The following ISYNA1 variants were observed in gnomAD, a reference collection of about 807,000 sequenced individuals.
ISYNA1 encodes MI-1-P synthase.
ISYNA1 carries 34 observed loss-of-function variants against 50.3 expected under a neutral mutation model. That is an observed-to-expected ratio of 0.68 (90% CI 0.51 to 0.90). The LOEUF is 0.90. Ranked by LOEUF, ISYNA1 falls within the 40% of genes least tolerant of loss-of-function variation. ISYNA1 has a pLI of 0.00. For missense variants in ISYNA1, 718 were observed against 784.8 expected (o/e 0.91, Z 1.02); for synonymous variants, 396 against 349.9 (o/e 1.13, Z -1.47).
In ISYNA1 at chr19:18,435,820, C is replaced by G. The variant is rs772101803; in HGVS notation, c.1077G>C (p.Val359=). The stretch of plus-strand genomic sequence containing the variant: ...GGTTGCTCTGCACCATGTCGTCCAC[C>G]ACGTTGCTCTTGGACACCTCCTTAG... ...FRSKEVSKSN[V]VDDMVQSNPV... is the part of the protein sequence containing the mutation. Residue 359 remains valine (V), a synonymous_variant, in exon 8 of 11, where the codon GTG becomes GTC. Transcript: ENST00000338128. The G allele has an allele frequency of 1.2e-6, 2 of 1,613,816 alleles. No individual in the cohort carries two copies. The highest frequency in any genetic ancestry group is 1.7e-5 in the Admixed American group (1 of 60,008).
In ISYNA1 at chr19:18,435,110, C is replaced by T; in HGVS notation, c.1480G>A (p.Val494Met). Residue 494 changes from valine (V) to methionine (M), a missense_variant, in exon 11 of 11, where the codon GTG becomes ATG. This residue lies in a region of ISYNA1 where 305 missense variants were observed against 292.6 expected (regional missense o/e 1.04). Coordinates refer to ENST00000338128, the MANE Select transcript of ISYNA1 (RefSeq NM_016368.5). The stretch of plus-strand genomic sequence containing the variant: ...ATGTGGTTCTGTGGCGGGAGCCCCA[C>T]GCAGGCCCTGGAGAGGTCACACAGC... Reference protein sequence around the residue: ...SCIENILRACVGLPPQNHMLL... With the variant: ...SCIENILRACMGLPPQNHMLL... 4.3e-6 allele frequency: 7 copies of T among 1,613,164 alleles called. No homozygotes were observed. Among genetic ancestry groups the T allele is most frequent in the African/African-American group, 1.3e-5 (1 of 75,014 alleles).
rs369808766 is a variant in ISYNA1 at position 18,436,897 on chromosome 19, C to A, written c.416-20G>T. On this transcript the variant is annotated intron_variant, in intron 4 of 10. Coordinates refer to ENST00000338128, the MANE Select transcript of ISYNA1 (RefSeq NM_016368.5). ...CCCAGCCTGGGGGGACCCTCACACT[C>A]GGCCCTGCCCGGATCCTGGGCCCCT... The A allele has an allele frequency of 6.7e-5, 107 of 1,591,278 alleles. No individual in the cohort carries two copies. The African/African-American group carries it at 1.1e-3, about 16-fold the overall frequency.
Position 18,434,441 on chromosome 19 carries a change from A to G in ISYNA1, c.*472T>C. 9 of 1,070,528 alleles carry G rather than the reference A, an allele frequency of 8.4e-6. No individual in the cohort carries two copies. Among genetic ancestry groups the G allele is most frequent in the South Asian group, 2.1e-5 (1 of 46,546 alleles). The allele number at this position is 1,070,528 out of a possible 1,614,324, so 66.3% of individuals were successfully genotyped here. Reference sequence around the variant, plus strand: ...GGACCTCAGAGACGTTCTTTTCTGTATGGACCCTTCCTGCCATTTGTATTT... The same window carrying G: ...GGACCTCAGAGACGTTCTTTTCTGTGTGGACCCTTCCTGCCATTTGTATTT... On this transcript the variant is annotated 3_prime_UTR_variant, in exon 11 of 11. Coordinates refer to ENST00000338128, the MANE Select transcript of ISYNA1 (RefSeq NM_016368.5).
At chr19:18,437,518 C>T (rs1600400489) in intron 3 of ISYNA1, 81 bp downstream of exon 3, 2 of 966,108 alleles carry the variant, frequency 2.1e-6, no homozygotes, top group South Asian at 3.9e-5. Flanking sequence ...CCCGCAGAGC[C>T]CCGCCCCCTG....
rs1454602779 is a variant in ISYNA1 at position 18,436,711 on chromosome 19, G to A, written c.582C>T (p.Asn194=). The A allele has an allele frequency of 4.5e-6, 7 of 1,566,484 alleles. No individual in the cohort carries two copies. The highest frequency in any genetic ancestry group is 6.0e-6 in the Non-Finnish European group (7 of 1,159,420). The change falls in exon 5 of 11, where the codon AAC becomes AAT. Residue 194 remains asparagine, a synonymous_variant. Transcript: ENST00000338128. The part of the protein sequence containing the change: ...IAANQSARAD[N]LIPGSRAQQL... ...GCTGCGCACGCGAGCCTGGGATGAG[G>A]TTGTCCGCGCGCGCGCTCTGGTTGG...
rs1480088568 is a variant in ISYNA1 at position 18,437,876 on chromosome 19, T to C, written c.104A>G (p.Glu35Gly). The change falls in exon 2 of 11, where the codon GAG becomes GGG. Residue 35 changes from glutamate to glycine, a missense_variant. Physicochemically the swap from Glu to Gly is moderately conservative, Grantham distance 98 (BLOSUM62 -2). Around this residue, in one of 3 missense-constraint regions of ISYNA1, gnomAD observed 403 missense variants for 466.6 expected, o/e 0.86. Transcript: ENST00000338128. Reference sequence around the variant, plus strand: ...CTGGTCCACCTTGAGAACGCCACCCTCGCGGCTGACGCGCGTCGTCCGGTA... The same window carrying C: ...CTGGTCCACCTTGAGAACGCCACCCCCGCGGCTGACGCGCGTCGTCCGGTA... ...YEYRTTRVSR[E>G]GGVLKVHPTS... 3 of 1,611,652 alleles carry C rather than the reference T, an allele frequency of 1.9e-6. No individual in the cohort carries two copies. In the African/African-American group the frequency reaches 4.0e-5, roughly 22 times the overall value.
rs1486564671 is a variant in ISYNA1, at chr19:18,434,559, G to C, written c.*354C>G. 1.9e-6 allele frequency: 1 copy of C among 530,748 alleles called. No individual in the cohort carries two copies. Among genetic ancestry groups the C allele is most frequent in the East Asian group, 3.2e-5 (1 of 31,406 alleles). 32.9% of individuals were successfully genotyped at this position (530,748 alleles called of 1,614,324 possible). On this transcript the variant is annotated 3_prime_UTR_variant, in exon 11 of 11. Transcript: ENST00000338128. ...TAAATGGAAGCTGGTTTTGGTTTTT[G>C]GTAGCTTGTCTCAGATTCCCTCTTT...
At position 18,436,319 on chromosome 19, in the gene ISYNA1, C is replaced by T. The variant is rs749706847; in HGVS notation, c.759+11G>A. 3.7e-6 allele frequency: 6 copies of T among 1,611,012 alleles called. No individual in the cohort carries two copies. The South Asian group carries it at 5.5e-5, about 15-fold the overall frequency. On this transcript the variant is annotated intron_variant, in intron 6 of 10. Transcript: ENST00000338128. ...CCCTGCCTGACCCGCTCCACCCGGG[C>T]GTTCGCCCACCTCAATGGTGCGCAG... is the stretch of plus-strand genomic sequence containing the variant.
chr19:18,437,244 G>A lies in ISYNA1; in HGVS notation c.283-139C>T, dbSNP rs895034789. 13 of 1,439,954 alleles carry A rather than the reference G, an allele frequency of 9.0e-6. No homozygotes were observed. In the African/African-American group the frequency reaches 1.6e-4, roughly 17 times the overall value. The allele number at this position is 1,439,954 out of a possible 1,614,324, so 89.2% of individuals were successfully genotyped here. A position where few individuals can be genotyped will look rare whatever the true frequency, so the allele number is the denominator to read the frequency against. ...TTCCAGGCTCACAGCCAGGACGGAA[G>A]CCGCTGCCCCCAGGCCCCTCCCCTG... On this transcript the variant is annotated intron_variant, in intron 3 of 10. Coordinates refer to ENST00000338128, the MANE Select transcript of ISYNA1 (RefSeq NM_016368.5).
At position 18,434,495 on chromosome 19, in the gene ISYNA1, G is replaced by A. The variant is rs921425482; in HGVS notation, c.*418C>T. 62 of 762,990 alleles carry A rather than the reference G, an allele frequency of 8.1e-5. No homozygotes were observed. The Admixed American group carries it at 2.0e-3, about 25-fold the overall frequency. 47.3% of individuals were successfully genotyped at this position (762,990 alleles called of 1,614,324 possible). On this transcript the variant is annotated 3_prime_UTR_variant, in exon 11 of 11. Transcript: ENST00000338128. Reference sequence around the variant, plus strand: ...CCCAGAGAGAAAGGCTCTTTGGGGGGCCCCTCTCCCCAGGACGTCAGGGGG... The same window carrying A: ...CCCAGAGAGAAAGGCTCTTTGGGGGACCCCTCTCCCCAGGACGTCAGGGGG...
In ISYNA1 at chr19:18,435,644, G is replaced by A; in HGVS notation, c.1173C>T (p.Asp391=). ...VVIKYVPYVG[D]SKRALDEYTS... ...TATACTCATCCAGCGCGCGCTTGCTGTCACCCACGTACGGCACATACTTGA... is the reference window on the plus strand; with the variant it reads ...TATACTCATCCAGCGCGCGCTTGCTATCACCCACGTACGGCACATACTTGA... The change falls in exon 9 of 11, where the codon GAC becomes GAT. Residue 391 remains aspartate, a synonymous_variant. Coordinates refer to ENST00000338128, the MANE Select transcript of ISYNA1 (RefSeq NM_016368.5). The A allele has an allele frequency of 6.2e-7, 1 of 1,611,782 alleles. No individual in the cohort carries two copies. The highest frequency in any genetic ancestry group is 8.5e-7 in the Non-Finnish European group (1 of 1,179,258).
rs1346129486 is a variant in ISYNA1 at position 18,436,144 on chromosome 19, GCTC to G, written c.860_862del (p.Gly287del). On this transcript the variant is annotated inframe_deletion, in exon 7 of 11. Transcript: ENST00000338128. ...CCGGTGCTGCCACGCGAGCTCAAGA[GCTC>G]CGGGCACCAGGGTGTTCTGCGGAGA... 14 of 1,612,578 alleles carry G rather than the reference GCTC, an allele frequency of 8.7e-6. No homozygotes were observed. Among genetic ancestry groups the G allele is most frequent in the Non-Finnish European group, 8.5e-7 (1 of 1,179,964 alleles).
intron 5 of ISYNA1, 59 bp downstream of exon 5, chr19:18,436,625 G>A (rs776303300): frequency 6.3e-6 from 10 of 1,597,354 alleles, no homozygotes; most frequent in South Asian, 1.1e-5. Flanking sequence ...GGCAAAAAGA[G>A]GGAACCAAGT....
In ISYNA1 at chr19:18,434,880, G is replaced by A. The variant is rs148355784; in HGVS notation, c.*33C>T. On this transcript the variant is annotated 3_prime_UTR_variant, in exon 11 of 11. Coordinates refer to ENST00000338128, the MANE Select transcript of ISYNA1 (RefSeq NM_016368.5). ...AGGTAGGGTCGTGGGGGGCAGCGGG[G>A]AGGAAGAGCCGAGAAACTGTGTGAC... The A allele has an allele frequency of 3.3e-4, 529 of 1,582,514 alleles. 2 individuals are homozygous for A. The African/African-American group carries it at 6.4e-3, about 19-fold the overall frequency.
rs529148937 is a variant in ISYNA1 at position 18,436,718 on chromosome 19, G to C, written c.575C>G (p.Ala192Gly). Residue 192 changes from alanine (A) to glycine (G), a missense_variant, in exon 5 of 11, where the codon GCG becomes GGG. By Grantham distance (60) the Ala-to-Gly change is moderately conservative (BLOSUM62 0). Coordinates refer to ENST00000338128, the MANE Select transcript of ISYNA1 (RefSeq NM_016368.5). ...ACGCGAGCCTGGGATGAGGTTGTCC[G>C]CGCGCGCGCTCTGGTTGGCCGCGAT... ...EFIAANQSAR[A>G]DNLIPGSRAQ... 3 of 1,558,616 alleles carry C rather than the reference G, an allele frequency of 1.9e-6. No homozygotes were observed. Among genetic ancestry groups the C allele is most frequent in the Non-Finnish European group, 2.6e-6 (3 of 1,155,204 alleles).
rs1259442195 is a variant in ISYNA1 at position 18,436,753 on chromosome 19, G to A, written c.540C>T (p.Ile180=). The A allele has an allele frequency of 6.4e-7, 1 of 1,573,934 alleles. No homozygotes were observed. The highest frequency in any genetic ancestry group is 8.6e-7 in the Non-Finnish European group (1 of 1,163,022). The part of the protein sequence containing the change: ...EALRPRPSVY[I]PEFIAANQSA... ...TCTGGTTGGCCGCGATGAATTCGGGGATGTAAACAGAAGGCCGGGGCCGCA... is the reference window on the plus strand; with the variant it reads ...TCTGGTTGGCCGCGATGAATTCGGGAATGTAAACAGAAGGCCGGGGCCGCA... Residue 180 remains isoleucine, a synonymous_variant, in exon 5 of 11, where the codon ATC becomes ATT. Coordinates refer to ENST00000338128, the MANE Select transcript of ISYNA1 (RefSeq NM_016368.5).
rs1443506971 is a variant in ISYNA1, at chr19:18,434,905, C to T, written c.*8G>A. The T allele has an allele frequency of 8.1e-6, 13 of 1,610,842 alleles. No homozygotes were observed. The highest frequency in any genetic ancestry group is 1.3e-5 in the African/African-American group (1 of 74,944). On this transcript the variant is annotated 3_prime_UTR_variant, in exon 11 of 11. Coordinates refer to ENST00000338128, the MANE Select transcript of ISYNA1 (RefSeq NM_016368.5). ...GAGGAAGAGCCGAGAAACTGTGTGA[C>T]CGGGGCCTCAGGTGGTGGGCATTGG...
rs1974076942 is a variant in ISYNA1 at position 18,436,893 on chromosome 19, C to T, written c.416-16G>A. 6.3e-7 allele frequency: 1 copy of T among 1,595,546 alleles called. No individual in the cohort carries two copies. The highest frequency in any genetic ancestry group is 8.5e-7 in the Non-Finnish European group (1 of 1,172,782). On this transcript the variant is annotated splice_polypyrimidine_tract_variant and intron_variant, in intron 4 of 10. Transcript: ENST00000338128. Reference sequence around the variant, plus strand: ...ATGTCCCAGCCTGGGGGGACCCTCACACTCGGCCCTGCCCGGATCCTGGGC... The same window carrying T: ...ATGTCCCAGCCTGGGGGGACCCTCATACTCGGCCCTGCCCGGATCCTGGGC...
intron 3 of ISYNA1, chr19:18,437,375 G>GC: frequency 8.6e-7 from 1 of 1,165,440 alleles, no homozygotes; most frequent in Non-Finnish European, 1.1e-6. Flanking sequence ...CCCGCCCCCT[G>GC]CAAGCCCTCC....
Sources: gnomAD v4.1 joint callset for allele counts on GRCh38, gnomAD v4.1.1 for gene constraint, gnomAD v4.1.1 regional missense constraint, MANE v1.5 for transcripts, NCBI Gene and HGNC (gene_info 2026-07-23, HGNC 2026-07-21) for gene names.